CARS1: variants seen among roughly 807,000 people sequenced by gnomAD.
CARS1 encodes the protein cysteine--tRNA ligase, cytoplasmic.
CARS1 carries 48 observed loss-of-function variants against 106.2 expected under a neutral mutation model. That is an observed-to-expected ratio of 0.45 (90% CI 0.36 to 0.57). The LOEUF (loss-of-function observed/expected upper bound fraction) is 0.57, where lower values mean the gene tolerates loss of function less well. Among genes scored for constraint, CARS1 ranks in the 20% least tolerant of loss-of-function variants. The probability of loss-of-function intolerance (pLI) is 0.00; values close to 1 mark genes in which losing one functional copy is unlikely to be tolerated. For synonymous variants in CARS1, 409 were observed against 403.4 expected (o/e 1.01, Z -0.17); for missense variants, 968 against 1,057.2 (o/e 0.92, Z 1.17).
Position 3,018,508 on chromosome 11 carries a change from C to T in CARS1, c.1529G>A (p.Arg510Gln), listed in dbSNP as rs752839619. Residue 510 changes from arginine (R) to glutamine (Q), a missense_variant, in exon 14 of 23, where the codon CGG (arginine) becomes CAG (glutamine). Arg to Gln is a conservative substitution (Grantham distance 43). Transcript: ENST00000380525. ...CATGAGGAAGGCCAGCCGCAACTGCCGTGCTGTGGGGGGACACAAGACAGC... is the reference window on the plus strand; with the variant it reads ...CATGAGGAAGGCCAGCCGCAACTGCTGTGCTGTGGGGGGACACAAGACAGC... ...IKDALKKHSARQLRLAFLMHS... is the reference protein window; with the variant it reads ...IKDALKKHSAQQLRLAFLMHS... 10 of 1,613,820 alleles carry T rather than the reference C, an allele frequency of 6.2e-6. No individual in the cohort carries two copies. The highest frequency in any genetic ancestry group is 4.5e-5 in the East Asian group (2 of 44,898).
At position 3,053,603 on chromosome 11, in the gene CARS1, C is replaced by T. The variant is rs116165692; in HGVS notation, c.25+3740G>A. 0.014 allele frequency among the ~76,000 whole-genome samples: 2,143 copies of T among 152,278 alleles called. 49 individuals carry two copies. The highest frequency in any genetic ancestry group is 0.049 in the African/African-American group (2,018 of 41,544). ...CGTTCCCTTGAGGCTCTCCCAGGTCCACTCCAGGCATGGCCCTGGTGTGCC... is the reference window on the plus strand; with the variant it reads ...CGTTCCCTTGAGGCTCTCCCAGGTCTACTCCAGGCATGGCCCTGGTGTGCC... On this transcript the variant is annotated intron_variant, in intron 1 of 22. Coordinates refer to ENST00000380525, the MANE Select transcript of CARS1 (RefSeq NM_001014437.3). This position sits in a 1 kb window ranked among gnomAD's most constrained non-coding sequence, Gnocchi z 6.6.
intron 7 of CARS1, among the ~76,000 whole-genome samples, chr11:3,036,302 T>G (rs1362714477): frequency 6.6e-6 from 1 of 152,180 alleles, no homozygotes; most frequent in African/African-American, 2.4e-5. Flanking sequence ...GTGTGGGCAG[T>G]GTTGGGAACC....
intron 20 of CARS1, among the ~76,000 whole-genome samples, 156 bp downstream of exon 20, chr11:3,005,210 G>A (rs1010856827): frequency 4.6e-5 from 7 of 151,468 alleles, no homozygotes; most frequent in Non-Finnish European, 1.0e-4. Context: ...TCCTTCATTA[G>A]AAGATACTAG....
rs1849438543 is a variant in CARS1, at chr11:3,001,984, T to TG, written c.2346dup (p.Lys783GlnfsTer3). The TG allele has an allele frequency of 1.2e-6, 2 of 1,612,528 alleles. No individual in the cohort carries two copies. The highest frequency in any genetic ancestry group is 1.7e-6 in the Non-Finnish European group (2 of 1,178,558). On this transcript the variant is annotated frameshift_variant, in exon 22 of 23. Coordinates refer to ENST00000380525, the MANE Select transcript of CARS1 (RefSeq NM_001014437.3). LOFTEE classifies it high-confidence loss of function. ...TACATGCTTACATTTTCATCAAACT[T>TG]GGAGTATTTGTCGGTTTCTGACAAG...
At position 3,046,342 on chromosome 11, in the gene CARS1, G is replaced by A. The variant is rs1855076657; in HGVS notation, c.274+1411C>T. Among the ~76,000 whole-genome samples the A allele has an allele frequency of 2.0e-5, 3 of 152,116 alleles. No homozygotes were observed. The highest frequency in any genetic ancestry group is 3.9e-4 in the East Asian group (2 of 5,188). On this transcript the variant is annotated intron_variant, in intron 2 of 22. Transcript: ENST00000380525. The surrounding 1 kb of genome is among the most constrained non-coding windows in gnomAD (Gnocchi z 5.8). ...CCCTCCCTAATCCTGCCCCCCTCTG[G>A]CTGTGTCTTGGAATGGCACATGGCA...
rs1490889027 is a variant in CARS1, at chr11:3,003,316, G to A, written c.2218-716C>T. Among the ~76,000 whole-genome samples, 1 of 152,242 alleles carries A rather than the reference G, an allele frequency of 6.6e-6. No individual in the cohort carries two copies. The highest frequency in any genetic ancestry group is 6.5e-5 in the Admixed American group (1 of 15,280). ...TTTCACCTTTCCTTTGGACAGCCTA[G>A]GTTTCAGATGCTTCCCAGCCCAGTG... On this transcript the variant is annotated intron_variant, in intron 20 of 22. Transcript: ENST00000380525. This position sits in a 1 kb window ranked among gnomAD's most constrained non-coding sequence, Gnocchi z 4.8.
chr11:3,002,345 T>A, intron 21 of CARS1, 196 bp downstream of exon 21: 1 of 1,000,430 alleles, frequency 1.0e-6, no homozygotes, highest in South Asian at 1.6e-5. Context: ...AGCCTTCCCC[T>A]TGGCCAGGCC....
chr11:3,038,165 G>T lies in CARS1; in HGVS notation c.686C>A (p.Pro229His), dbSNP rs146537533. ...FSVKLNETTDPDKKQMLERIQ... is the reference protein window; with the variant it reads ...FSVKLNETTDHDKKQMLERIQ... The stretch of plus-strand genomic sequence containing the variant: ...CCGTTCGAGCATCTGCTTTTTATCG[G>T]GATCCGTGGTCTCATTTAATTTTAC... The change falls in exon 7 of 23, where the codon CCC becomes CAC. Residue 229 changes from proline to histidine, a missense_variant. Pro to His is a moderately conservative substitution (Grantham distance 77, BLOSUM62 -2). Coordinates refer to ENST00000380525, the MANE Select transcript of CARS1 (RefSeq NM_001014437.3). The surrounding 1 kb of genome is among the most constrained non-coding windows in gnomAD (Gnocchi z 4.0). 5.0e-6 allele frequency: 8 copies of T among 1,613,962 alleles called. No homozygotes were observed. The highest frequency in any genetic ancestry group is 6.8e-6 in the Non-Finnish European group (8 of 1,179,990).
intron 10 of CARS1, among the ~76,000 whole-genome samples, chr11:3,023,589 C>G (rs939673034): frequency 2.0e-5 from 3 of 152,136 alleles, no homozygotes; most frequent in African/African-American, 7.2e-5. Flanking sequence ...GAGATGCGGT[C>G]TCACTACATT....
rs1447553631 is a variant in CARS1 at position 3,039,973 on chromosome 11, T to A, written c.456-42A>T. The A allele has an allele frequency of 5.8e-6, 6 of 1,035,446 alleles. No individual in the cohort carries two copies. The highest frequency in any genetic ancestry group is 7.3e-6 in the Non-Finnish European group (5 of 684,088). 64.1% of individuals were successfully genotyped at this position (1,035,446 alleles called of 1,614,324 possible). ...ACAAACATTTCCACACCAGACGATA[T>A]GTATAGCTTAACCTCCAACAACACG... is the stretch of plus-strand genomic sequence containing the variant. On this transcript the variant is annotated intron_variant, in intron 4 of 22. Coordinates refer to ENST00000380525, the MANE Select transcript of CARS1 (RefSeq NM_001014437.3). This position sits in a 1 kb window ranked among gnomAD's most constrained non-coding sequence, Gnocchi z 5.6.
At position 3,003,059 on chromosome 11, in the gene CARS1, C is replaced by A. The variant is rs746415058; in HGVS notation, c.2218-459G>T. On this transcript the variant is annotated intron_variant, in intron 20 of 22. Transcript: ENST00000380525. This position sits in a 1 kb window ranked among gnomAD's most constrained non-coding sequence, Gnocchi z 4.8. ...GATGGGGATGGTGGGCGGAGGGCAG[C>A]CTTGGGGGCTAGGTGAGGAGACCAG... is the stretch of plus-strand genomic sequence containing the variant. Among the ~76,000 whole-genome samples the A allele has an allele frequency of 6.6e-6, 1 of 152,072 alleles. No individual in the cohort carries two copies. The highest frequency in any genetic ancestry group is 6.5e-5 in the Admixed American group (1 of 15,278).
intron 7 of CARS1, among the ~76,000 whole-genome samples, chr11:3,035,459 A>G (rs1056890195): frequency 2.6e-5 from 4 of 152,216 alleles, no homozygotes; most frequent in African/African-American, 9.6e-5. Flanking sequence ...AAAATGTGGT[A>G]GAAGAAGAAG....
In CARS1 at chr11:3,002,552, G is replaced by T. The variant is rs748716087; in HGVS notation, c.2266C>A (p.Gln756Lys). Reference protein sequence around the residue: ...KKKEEAARRKQEQEAAKLAKM... With the variant: ...KKKEEAARRKKEQEAAKLAKM... ...ACAAAATGCATTACTTCTTGTTCCT[G>T]TTTCCTCCGGGCCGCCTCCTCTTTC... The change falls in exon 21 of 23, where the codon CAG becomes AAG. Residue 756 changes from glutamine (Q) to lysine (K), a missense_variant. Coordinates refer to ENST00000380525, the MANE Select transcript of CARS1 (RefSeq NM_001014437.3). The T allele has an allele frequency of 6.2e-7, 1 of 1,614,078 alleles. No individual in the cohort carries two copies. Among genetic ancestry groups the T allele is most frequent in the African/African-American group, 1.3e-5 (1 of 74,946 alleles).
At chr11:3,042,101 T>C (rs1854534109) in intron 3 of CARS1, 64 bp downstream of exon 3, 11 of 1,215,628 alleles carry the variant, frequency 9.0e-6, no homozygotes, top group Middle Eastern at 1.9e-4. Flanking sequence ...ACAAGGCACA[T>C]GGGCTGTCCT....
In CARS1 at chr11:3,029,011, A is replaced by G. The variant is rs1440645523; in HGVS notation, c.1016T>C (p.Val339Ala). 7 of 1,613,610 alleles carry G rather than the reference A, an allele frequency of 4.3e-6. No homozygotes were observed. The highest frequency in any genetic ancestry group is 5.9e-6 in the Non-Finnish European group (7 of 1,179,672). The change falls in exon 9 of 23, where the codon GTG becomes GCG. Residue 339 changes from valine (V) to alanine (A), a missense_variant. Physicochemically the swap from Val to Ala is moderately conservative, Grantham distance 64. Coordinates refer to ENST00000380525, the MANE Select transcript of CARS1 (RefSeq NM_001014437.3). This position sits in a 1 kb window ranked among gnomAD's most constrained non-coding sequence, Gnocchi z 5.9. ...PEIVNFVQKI[V>A]DNGYGYVSNG... Reference sequence around the variant, plus strand: ...TTGTGCTTACCCGTAACCGTTGTCCACAATCTTCTGGACAAAGTTCACAAT... The same window carrying G: ...TTGTGCTTACCCGTAACCGTTGTCCGCAATCTTCTGGACAAAGTTCACAAT...
chr11:3,001,127 C>G lies in CARS1; in HGVS notation c.2483G>C (p.Gly828Ala), dbSNP rs932188188. ...TCCTGTGCCCCCTCACTGGAAGCTT[C>G]CATTCTGGGCCATCTGCAGATATTC... ...YKEYLQMAQN[G>A]SFQ Residue 828 changes from glycine (G) to alanine (A), a missense_variant, in exon 23 of 23, where the codon GGA becomes GCA. Gly to Ala is a moderately conservative substitution (Grantham distance 60). Coordinates refer to ENST00000380525, the MANE Select transcript of CARS1 (RefSeq NM_001014437.3). The G allele has an allele frequency of 6.2e-7, 1 of 1,614,048 alleles. No homozygotes were observed.
intron 19 of CARS1, 28 bp from the exon 20 acceptor site, chr11:3,005,461 G>C: frequency 6.3e-7 from 1 of 1,599,736 alleles, no homozygotes; most frequent in Non-Finnish European, 8.6e-7. Flanking sequence ...TGTGAGAAGA[G>C]TCTGGGCTCT....
intron 16 of CARS1, among the ~76,000 whole-genome samples, chr11:3,016,113 G>A (rs1323342839): frequency 1.3e-5 from 2 of 152,194 alleles, no homozygotes; most frequent in Non-Finnish European, 2.9e-5. Flanking sequence ...GAGGAGGAGA[G>A]GGGAGGGGAG....
intron 16 of CARS1, 48 bp from the exon 17 acceptor site, chr11:3,015,897 G>A (rs369075972): frequency 4.9e-5 from 74 of 1,496,692 alleles, no homozygotes; most frequent in African/African-American, 2.9e-4. Flanking sequence ...AGATGAAGGC[G>A]GCATGTGGCG....
Sources: gnomAD v4.1 joint callset for allele counts (sites outside exome capture counted in the v4.1 genomes callset) on GRCh38, gnomAD v4.1.1 for gene constraint, Gnocchi (gnomAD v3.1) non-coding constraint, MANE v1.5 for transcripts, NCBI Gene and HGNC (gene_info 2026-07-23, HGNC 2026-07-21) for gene names.